Variants in DLGAP2 observed in about 807,000 individuals in gnomAD.
DLGAP2 encodes disks large-associated protein 2.
A neutral mutation model predicts 100.3 loss-of-function variants in DLGAP2; 26 were observed. The observed-to-expected ratio is 0.26, with a 90% CI of 0.19 to 0.36. DLGAP2 has a LOEUF of 0.36. Among genes scored for constraint, DLGAP2 ranks in the 10% least tolerant of loss-of-function variants. DLGAP2 has a pLI of 1.00. For missense variants in DLGAP2, 1,858 were observed against 1,453.2 expected (o/e 1.28, Z -4.53); for synonymous variants, 886 against 630.1 (o/e 1.41, Z -6.08).
intron 3 of DLGAP2, among the ~76,000 whole-genome samples, chr8:1,302,800 T>G (rs1413056896): frequency 6.6e-6 from 1 of 152,274 alleles, no homozygotes; most frequent in Non-Finnish European, 1.5e-5. Context: ...AGCTTGGCTC[T>G]TCCCCTCGCC....
intron 3 of DLGAP2, among the ~76,000 whole-genome samples, chr8:1,339,724 G>A (rs1461384818): frequency 2.6e-5 from 4 of 152,186 alleles, no homozygotes; most frequent in Admixed American, 1.3e-4. Flanking sequence ...TCACCCGGGC[G>A]CATCAGGGCA....
intron 4 of DLGAP2, among the ~76,000 whole-genome samples, chr8:1,528,636 T>G (rs1159307594): frequency 6.6e-6 from 1 of 152,214 alleles, no homozygotes; most frequent in Non-Finnish European, 1.5e-5. Flanking sequence ...GCCTGGAGCC[T>G]CTTGTCCTCA....
intron 3 of DLGAP2, among the ~76,000 whole-genome samples, chr8:1,472,398 G>C (rs905499341): frequency 6.6e-6 from 1 of 152,178 alleles, no homozygotes; most frequent in Non-Finnish European, 1.5e-5. Flanking sequence ...GTTTTGTTAT[G>C]TTGGTGATTT....
chr8:740,893 T>C (rs1199207299), intron 1 of DLGAP2, among the ~76,000 whole-genome samples: 6 of 152,208 alleles, frequency 3.9e-5, no homozygotes, highest in Admixed American at 2.0e-4. Flanking sequence ...TGGTCATTCA[T>C]TGGATACAAT....
chr8:1,317,187 G>A (rs1488523041), intron 3 of DLGAP2, among the ~76,000 whole-genome samples: 3 of 126,682 alleles, frequency 2.4e-5, no homozygotes, highest in Admixed American at 1.7e-4. Context: ...GTGTGTGAGT[G>A]CAGCGTCTCT....
intron 2 of DLGAP2, among the ~76,000 whole-genome samples, chr8:1,078,618 T>A (rs2701935): frequency 0.29 from 44,184 of 152,088 alleles, 6,895 homozygotes; most frequent in Admixed American, 0.35. Context: ...GTCTTCATAG[T>A]TTTTTCTTTT....
intron 8 of DLGAP2, among the ~76,000 whole-genome samples, chr8:1,647,952 A>G (rs1798080512): frequency 6.6e-6 from 1 of 152,078 alleles, no homozygotes; most frequent in African/African-American, 2.4e-5. Context: ...AAAGGCACGA[A>G]TCCCTCATCC....
intron 2 of DLGAP2, among the ~76,000 whole-genome samples, chr8:1,180,521 G>C (rs1284526374): frequency 6.6e-6 from 1 of 152,000 alleles, no homozygotes; most frequent in Non-Finnish European, 1.5e-5. Context: ...CATCACCATG[G>C]ATTATCTGTT....
At chr8:794,336 G>A (rs973437745) in intron 1 of DLGAP2, among the ~76,000 whole-genome samples, 3 of 152,156 alleles carry the variant, frequency 2.0e-5, no homozygotes, top group South Asian at 2.1e-4. Flanking sequence ...CACACACACA[G>A]AAATATAGAG....
At chr8:1,372,000 T>C (rs1802249090) in intron 3 of DLGAP2, among the ~76,000 whole-genome samples, 1 of 152,252 alleles carries the variant, frequency 6.6e-6, no homozygotes, top group African/African-American at 2.4e-5. Flanking sequence ...ATTTCAATGC[T>C]GCAGGTCAAC....
At chr8:1,468,716 G>C (rs900210447) in intron 3 of DLGAP2, among the ~76,000 whole-genome samples, 33 of 151,946 alleles carry the variant, frequency 2.2e-4, no homozygotes, top group African/African-American at 7.8e-4. Flanking sequence ...CCACAGAAAG[G>C]CATCTTCTCG....
chr8:759,595 C>T (rs887493881), intron 1 of DLGAP2, among the ~76,000 whole-genome samples: 1 of 150,956 alleles, frequency 6.6e-6, no homozygotes, highest in Non-Finnish European at 1.5e-5. Flanking sequence ...TGGGGCTCCC[C>T]CCTGGGCTGC....
chr8:957,749 T>C (rs543213010), intron 2 of DLGAP2, among the ~76,000 whole-genome samples: 13 of 152,362 alleles, frequency 8.5e-5, no homozygotes, highest in African/African-American at 3.1e-4. Context: ...GTGTTTATTT[T>C]ATTCCAGCAG....
At chr8:1,477,995 C>A (rs766990362) in intron 3 of DLGAP2, among the ~76,000 whole-genome samples, 1 of 152,182 alleles carries the variant, frequency 6.6e-6, no homozygotes, top group Non-Finnish European at 1.5e-5. Context: ...CTGCCTGTCA[C>A]TCTCTGTTCG....
At chr8:1,460,846 CT>C (rs1206807141) in intron 3 of DLGAP2, among the ~76,000 whole-genome samples, 1 of 152,192 alleles carries the variant, frequency 6.6e-6, no homozygotes, top group Non-Finnish European at 1.5e-5. Flanking sequence ...CCCTACTCAT[CT>C]GGGTGGCCAG....
intron 2 of DLGAP2, among the ~76,000 whole-genome samples, chr8:952,303 C>T (rs1799500719): frequency 6.6e-6 from 1 of 152,192 alleles, no homozygotes; most frequent in South Asian, 2.1e-4. Flanking sequence ...CCAACAATTC[C>T]CCAGAGCTTC....
At chr8:1,513,400 G>A (rs1244160328) in intron 4 of DLGAP2, among the ~76,000 whole-genome samples, 1 of 151,988 alleles carries the variant, frequency 6.6e-6, no homozygotes, top group Non-Finnish European at 1.5e-5. Context: ...GGAAGGGAGA[G>A]GCCACAGGCC....
chr8:1,235,282 C>T (rs911293020), intron 2 of DLGAP2, among the ~76,000 whole-genome samples: 14 of 148,592 alleles, frequency 9.4e-5, no homozygotes, highest in East Asian at 2.1e-4. Flanking sequence ...CACATGGCGT[C>T]GTGTCTAGTT....
intron 2 of DLGAP2, among the ~76,000 whole-genome samples, chr8:977,785 G>A (rs1584941269): frequency 7.7e-6 from 1 of 129,330 alleles, no homozygotes; most frequent in African/African-American, 2.8e-5. Flanking sequence ...GGAGGGCGTC[G>A]GGGATGCAGT....
Sources: allele counts gnomAD v4.1 joint callset (sites outside exome capture counted in the v4.1 genomes callset), GRCh38; gene constraint gnomAD v4.1.1; transcripts MANE v1.5; gene names NCBI Gene and HGNC (gene_info 2026-07-23, HGNC 2026-07-21).